Variants in N4BP1 observed in about 807,000 individuals in gnomAD.
The protein encoded by N4BP1 is NEDD4-binding protein 1.
N4BP1 carries 21 observed loss-of-function variants against 70.9 expected under a neutral mutation model. That is an observed-to-expected ratio of 0.30 (90% CI 0.21 to 0.43). The LOEUF is 0.43. Among genes scored for constraint, N4BP1 ranks in the 20% least tolerant of loss-of-function variants. N4BP1 has a pLI of 1.00. For synonymous variants in N4BP1, 387 were observed against 394.6 expected (o/e 0.98, Z 0.23); for missense variants, 936 against 1,069.4 (o/e 0.88, Z 1.74).
At chr16:48,568,407 T>C (rs1963971630) in intron 1 of N4BP1, among the ~76,000 whole-genome samples, 1 of 152,198 alleles carries the variant, frequency 6.6e-6, no homozygotes, top group African/African-American at 2.4e-5. Flanking sequence ...TTTCTTTCAA[T>C]GTATGAAACT....
Position 48,560,854 on chromosome 16 carries a change from G to T in N4BP1, c.1789C>A (p.Arg597=). 6.2e-7 allele frequency: 1 copy of T among 1,613,846 alleles called. No homozygotes were observed. Among genetic ancestry groups the T allele is most frequent in the Non-Finnish European group, 8.5e-7 (1 of 1,179,846 alleles). The change falls in exon 2 of 7, where the codon CGA becomes AGA. Residue 597 remains arginine (R), a synonymous_variant. Transcript: ENST00000262384. ...DSSVTGVQRF[R]DTLKIPYKLE... The stretch of plus-strand genomic sequence containing the variant: ...TTGTAGGGTATTTTTAGAGTATCTC[G>T]AAACCTTTGAACCCCAGTAACTGAG...
intron 4 of N4BP1, among the ~76,000 whole-genome samples, chr16:48,550,921 G>GA (rs111917199): frequency 8.8e-4 from 117 of 133,170 alleles, no homozygotes; most frequent in Admixed American, 1.1e-3. Flanking sequence ...TCCATCTCAA[G>GA]AAAAAAAAAA....
chr16:48,550,725 A>G (rs1963653319), intron 4 of N4BP1, among the ~76,000 whole-genome samples: 1 of 151,882 alleles, frequency 6.6e-6, no homozygotes, highest in Admixed American at 6.6e-5. Context: ...CCAACATGGA[A>G]AAACCCCGTC....
At chr16:48,585,538 G>A (rs528449971) in intron 1 of N4BP1, among the ~76,000 whole-genome samples, 30 of 150,674 alleles carry the variant, frequency 2.0e-4, no homozygotes, top group South Asian at 4.2e-4. Context: ...TAATAGTAAC[G>A]AACTTTTTTT....
In N4BP1 at chr16:48,560,806, C is replaced by G; in HGVS notation, c.1837G>C (p.Gly613Arg). 1 of 1,613,616 alleles carries G rather than the reference C, an allele frequency of 6.2e-7. No homozygotes were observed. Among genetic ancestry groups the G allele is most frequent in the Non-Finnish European group, 8.5e-7 (1 of 1,179,748 alleles). ...PYKLELKNEP[G>R]RTDLKHIVID... ...ACAATGTGTTTCAAATCCGTTCTCCCTGGTTCATTTTTTAATTCCAGCTTG... is the reference window on the plus strand; with the variant it reads ...ACAATGTGTTTCAAATCCGTTCTCCGTGGTTCATTTTTTAATTCCAGCTTG... The change falls in exon 2 of 7, where the codon GGG (glycine) becomes CGG (arginine). Residue 613 changes from glycine to arginine, a missense_variant. Transcript: ENST00000262384.
chr16:48,553,516 C>A, intron 3 of N4BP1, 23 bp downstream of exon 3: 1 of 1,522,126 alleles, frequency 6.6e-7, no homozygotes, highest in South Asian at 1.3e-5. Context: ...CACTAGAAAT[C>A]TGAAAAAATC....
chr16:48,586,827 T>C (rs1350362803), intron 1 of N4BP1, among the ~76,000 whole-genome samples: 2 of 152,232 alleles, frequency 1.3e-5, no homozygotes, highest in African/African-American at 4.8e-5. Flanking sequence ...AGAGGAAGCA[T>C]GGTCTTCTCT....
intron 1 of N4BP1, among the ~76,000 whole-genome samples, chr16:48,586,615 G>GCCC: frequency 6.6e-6 from 1 of 152,290 alleles, no homozygotes; most frequent in Admixed American, 6.5e-5. Context: ...GTATCAGCCA[G>GCCC]TAATTTATCC....
In N4BP1 at chr16:48,587,345, A is replaced by G. The variant is rs560521214; in HGVS notation, c.198+22430T>C. Reference sequence around the variant, plus strand: ...GGACCCTTTGTGAAGCAGACAACCCAAGATCTAGTGGAACACAATGTAATG... The same window carrying G: ...GGACCCTTTGTGAAGCAGACAACCCGAGATCTAGTGGAACACAATGTAATG... On this transcript the variant is annotated intron_variant, in intron 1 of 6. Coordinates refer to ENST00000262384, the MANE Select transcript of N4BP1 (RefSeq NM_153029.4). The G allele has an allele frequency of 7.9e-5, 12 of 152,360 alleles. No homozygotes were observed. The South Asian group carries it at 2.5e-3, about 32-fold the overall frequency. 9.4% of individuals were successfully genotyped at this position (152,360 alleles called of 1,614,324 possible). A position where few individuals can be genotyped will look rare whatever the true frequency, so the allele number is the denominator to read the frequency against.
In N4BP1 at chr16:48,551,433, A is replaced by G. The variant is rs1963663627; in HGVS notation, c.2070T>C (p.Thr690=). 5 of 1,613,548 alleles carry G rather than the reference A, an allele frequency of 3.1e-6. No individual in the cohort carries two copies. The South Asian group carries it at 5.5e-5, about 18-fold the overall frequency. Residue 690 remains threonine (T), a synonymous_variant, in exon 4 of 7, where the codon ACT becomes ACC. Transcript: ENST00000262384. ...TTTCTCCAAAGACCATCCGGGCAGG[A>G]GTTAAAGATAATATTCCGAGCTCCT... ...QLQELGILSL[T]PARMVFGERI...
Position 48,542,379 on chromosome 16 carries a change from C to G in N4BP1, c.*525G>C, listed in dbSNP as rs1657795822. The G allele has an allele frequency of 6.5e-6, 1 of 152,828 alleles. No individual in the cohort carries two copies. The highest frequency in any genetic ancestry group is 2.1e-4 in the South Asian group (1 of 4,838). The allele number at this position is 152,828 out of a possible 1,614,324, so 9.5% of individuals were successfully genotyped here. On this transcript the variant is annotated 3_prime_UTR_variant, in exon 7 of 7. Transcript: ENST00000262384. Reference sequence around the variant, plus strand: ...ACTTTCACAACACTCCAACCAAAGACTGCAGAACAAACCAACTCTTACCCA... The same window carrying G: ...ACTTTCACAACACTCCAACCAAAGAGTGCAGAACAAACCAACTCTTACCCA...
At position 48,539,713 on chromosome 16, in the gene N4BP1, C is replaced by T. The variant is rs371066972; in HGVS notation, c.*3191G>A. 5 of 152,296 alleles carry T rather than the reference C, an allele frequency of 3.3e-5. No individual in the cohort carries two copies. The highest frequency in any genetic ancestry group is 4.1e-4 in the South Asian group (2 of 4,834). The allele number at this position is 152,296 out of a possible 1,614,324, so 9.4% of individuals were successfully genotyped here. ...ACACCAGCTGCCCTCTCCACCACCA[C>T]GAGCCCCAAAGGTGGGGAAAAGTCT... On this transcript the variant is annotated 3_prime_UTR_variant, in exon 7 of 7. Coordinates refer to ENST00000262384, the MANE Select transcript of N4BP1 (RefSeq NM_153029.4).
In N4BP1 at chr16:48,582,937, A is replaced by G. The variant is rs184165764; in HGVS notation, c.199-20493T>C. 8.7e-4 allele frequency among the ~76,000 whole-genome samples: 132 copies of G among 152,276 alleles called. 1 individual carries two copies. The highest frequency in any genetic ancestry group is 3.1e-3 in the African/African-American group (128 of 41,562). On this transcript the variant is annotated intron_variant, in intron 1 of 6. Coordinates refer to ENST00000262384, the MANE Select transcript of N4BP1 (RefSeq NM_153029.4). ...CATCTCTATAACCAATTTAAAAAGT[A>G]GGTGGGCATGATGGTAAACTCGCCT...
intron 1 of N4BP1, among the ~76,000 whole-genome samples, chr16:48,591,961 C>A (rs1009454256): frequency 2.0e-5 from 3 of 149,786 alleles, no homozygotes; most frequent in African/African-American, 7.4e-5. Flanking sequence ...CCTTGGTGTG[C>A]AAAAATTAGG....
chr16:48,604,413 C>T (rs887793251), intron 1 of N4BP1, among the ~76,000 whole-genome samples: 2 of 151,948 alleles, frequency 1.3e-5, no homozygotes, highest in African/African-American at 4.8e-5. Flanking sequence ...ACACCATGGG[C>T]ATGGTGGCAC....
At chr16:48,548,218 A>G in intron 4 of N4BP1, 104 bp from the exon 5 acceptor site, 1 of 729,252 alleles carries the variant, frequency 1.4e-6, no homozygotes, top group Non-Finnish European at 2.4e-6. Flanking sequence ...AAACCATCAA[A>G]GAATTTAACC....
chr16:48,609,315 G>A (rs1439037282), intron 1 of N4BP1, among the ~76,000 whole-genome samples: 1 of 152,186 alleles, frequency 6.6e-6, no homozygotes, highest in Non-Finnish European at 1.5e-5. Flanking sequence ...AAGAGGAACT[G>A]AGATCCCAAA....
rs1370042535 is a variant in N4BP1, at chr16:48,542,851, G to A, written c.*53C>T. Reference sequence around the variant, plus strand: ...TCATTCCCATCAGGTACAGGTGTGAGCTTGAGTTTGATCAGCCAGCCCTGA... The same window carrying A: ...TCATTCCCATCAGGTACAGGTGTGAACTTGAGTTTGATCAGCCAGCCCTGA... On this transcript the variant is annotated 3_prime_UTR_variant, in exon 7 of 7. Coordinates refer to ENST00000262384, the MANE Select transcript of N4BP1 (RefSeq NM_153029.4). The A allele has an allele frequency of 6.8e-7, 1 of 1,461,722 alleles. No individual in the cohort carries two copies. Among genetic ancestry groups the A allele is most frequent in the East Asian group, 2.3e-5 (1 of 43,458 alleles). 90.5% of individuals were successfully genotyped at this position (1,461,722 alleles called of 1,614,324 possible). A position where few individuals can be genotyped will look rare whatever the true frequency, so the allele number is the denominator to read the frequency against.
intron 1 of N4BP1, among the ~76,000 whole-genome samples, chr16:48,592,218 G>A (rs563474803): frequency 6.6e-6 from 1 of 152,314 alleles, no homozygotes; most frequent in East Asian, 1.9e-4. Context: ...GACAGGGCAA[G>A]ATTCCATCCC....
Sources: allele counts gnomAD v4.1 joint callset (sites outside exome capture counted in the v4.1 genomes callset), GRCh38; gene constraint gnomAD v4.1.1; transcripts MANE v1.5; gene names NCBI Gene and HGNC (gene_info 2026-07-23, HGNC 2026-07-21).